The following WASHC5 variants were observed in gnomAD, a reference collection of about 807,000 sequenced individuals.
WASHC5 encodes WASH complex subunit strumpellin.
WASHC5 carries 101 observed loss-of-function variants against 150.4 expected under a neutral mutation model. The observed-to-expected ratio is 0.67, with a 90% CI of 0.57 to 0.79. WASHC5 has a LOEUF of 0.79. Among genes scored for constraint, WASHC5 ranks in the 30% least tolerant of loss-of-function variants. The pLI is 0.00. For synonymous variants in WASHC5, 467 were observed against 491.2 expected (o/e 0.95, Z 0.65); for missense variants, 1,195 against 1,396.3 (o/e 0.86, Z 2.30).
At chr8:125,031,480 T>C (rs952819333) in intron 27 of WASHC5, among the ~76,000 whole-genome samples, 1 of 152,124 alleles carries the variant, frequency 6.6e-6, no homozygotes, top group African/African-American at 2.4e-5. Context: ...GGTTTCACCA[T>C]GTTGGCCAGG....
At chr8:125,073,370 T>C in intron 8 of WASHC5, 46 bp from the exon 9 acceptor site, 1 of 1,489,306 alleles carries the variant, frequency 6.7e-7, no homozygotes, top group Non-Finnish European at 9.4e-7. Flanking sequence ...GTCATTTATC[T>C]TGAAAATAAA....
At chr8:125,048,972 A>C in intron 19 of WASHC5, 34 bp downstream of exon 19, 1 of 1,540,808 alleles carries the variant, frequency 6.5e-7, no homozygotes, top group South Asian at 1.2e-5. Context: ...AGAAATAACA[A>C]ATATAGTCAA....
chr8:125,061,504 C>T (rs1438704829), intron 11 of WASHC5, among the ~76,000 whole-genome samples: 1 of 152,054 alleles, frequency 6.6e-6, no homozygotes, highest in Non-Finnish European at 1.5e-5. Flanking sequence ...CCCTAGTTAC[C>T]AGGGAGAATT....
chr8:125,084,436 T>C (rs1321160893), intron 1 of WASHC5, among the ~76,000 whole-genome samples: 1 of 152,190 alleles, frequency 6.6e-6, no homozygotes, highest in Non-Finnish European at 1.5e-5. Context: ...ATTTGTCCAA[T>C]TATTTCCCAG....
rs772125838 is a variant in WASHC5, at chr8:125,059,482, G to T, written c.1582C>A (p.Arg528=). ...LQVCQFLADT[R]KFLHQMIRTI... ...CTGATCATTTGATGAAGAAACTTTC[G>T]AGTATCGGCAAGAAACTGACATACT... Residue 528 remains arginine (R), a synonymous_variant, in exon 13 of 29, where the codon CGA becomes AGA. Transcript: ENST00000318410. 1.2e-6 allele frequency: 2 copies of T among 1,613,726 alleles called. No homozygotes were observed. The highest frequency in any genetic ancestry group is 1.7e-6 in the Non-Finnish European group (2 of 1,179,878).
intron 8 of WASHC5, among the ~76,000 whole-genome samples, chr8:125,073,610 A>G (rs935591728): frequency 6.6e-5 from 10 of 152,358 alleles, no homozygotes; most frequent in Non-Finnish European, 1.2e-4. Context: ...TAATTTCTAT[A>G]TAAGATGAAT....
At chr8:125,082,810 T>G (rs577683919) in intron 3 of WASHC5, 1 of 361,672 alleles carries the variant, frequency 2.8e-6, no homozygotes, top group Non-Finnish European at 5.0e-6. Flanking sequence ...ATGATAAAGA[T>G]AAGTTCTTTT....
chr8:125,062,347 A>G (rs1816620487), intron 11 of WASHC5, among the ~76,000 whole-genome samples: 1 of 152,240 alleles, frequency 6.6e-6, no homozygotes, highest in Non-Finnish European at 1.5e-5. Context: ...TAATTAAACT[A>G]TACAGCTGGA....
At chr8:125,089,080 A>T (rs962381596) in intron 1 of WASHC5, among the ~76,000 whole-genome samples, 2 of 152,222 alleles carry the variant, frequency 1.3e-5, no homozygotes, top group Non-Finnish European at 2.9e-5. Context: ...AAGTTCTTTT[A>T]GTTTCCTCTG....
intron 1 of WASHC5, among the ~76,000 whole-genome samples, chr8:125,089,526 C>G (rs1433534937): frequency 6.6e-6 from 1 of 152,194 alleles, no homozygotes; most frequent in Non-Finnish European, 1.5e-5. Context: ...GCTCTAGACT[C>G]ATGAAGAGGA....
intron 1 of WASHC5, among the ~76,000 whole-genome samples, chr8:125,088,964 CAGA>C (rs754736998): frequency 1.1e-4 from 16 of 152,198 alleles, no homozygotes; most frequent in African/African-American, 1.9e-4. Context: ...GGGGCGGAAA[CAGA>C]AGAAGTAGAC....
chr8:125,060,750 C>G (rs72720519), intron 12 of WASHC5, among the ~76,000 whole-genome samples: 2,120 of 152,140 alleles, frequency 0.014, 15 homozygotes, highest in Non-Finnish European at 0.021. Context: ...TTTTTACAAC[C>G]CTAAAAATGG....
chr8:125,061,231 G>T (rs781477417), intron 11 of WASHC5, 37 bp from the exon 12 acceptor site: 32 of 1,103,174 alleles, frequency 2.9e-5, no homozygotes, highest in African/African-American at 4.6e-5. Flanking sequence ...TGAAATCCTC[G>T]AATTCCTGTA....
chr8:125,050,714 C>A (rs1355900885), intron 17 of WASHC5, 49 bp from the exon 18 acceptor site: 2 of 1,408,804 alleles, frequency 1.4e-6, no homozygotes, highest in African/African-American at 1.4e-5. Flanking sequence ...AAATTCAGTC[C>A]TAACGAAATC....
chr8:125,077,719 C>T (rs11996868), intron 6 of WASHC5, among the ~76,000 whole-genome samples: 16,754 of 152,158 alleles, frequency 0.11, 2,158 homozygotes, highest in African/African-American at 0.31. Context: ...AAGTCTTATT[C>T]TTCTCAACAG....
At position 125,048,273 on chromosome 8, in the gene WASHC5, T is replaced by G. The variant is rs115864330; in HGVS notation, c.2379+733A>C. ...AAAATGTCACCCAAATCATGTCAGT[T>G]CCCACATGAAAACTTGCAGAGTGGC... On this transcript the variant is annotated intron_variant, in intron 19 of 28. Transcript: ENST00000318410. Among the ~76,000 whole-genome samples the G allele has an allele frequency of 6.2e-3, 944 of 152,300 alleles. 12 individuals carry two copies. The highest frequency in any genetic ancestry group is 0.022 in the African/African-American group (907 of 41,576).
At chr8:125,051,108 T>C (rs1364210845) in intron 17 of WASHC5, among the ~76,000 whole-genome samples, 1 of 152,202 alleles carries the variant, frequency 6.6e-6, no homozygotes, top group African/African-American at 2.4e-5. Context: ...TATATCCACA[T>C]GAGCAAACTC....
rs773509045 is a variant in WASHC5 at position 125,056,671 on chromosome 8, C to T, written c.2016+6G>A. 5.6e-6 allele frequency: 9 copies of T among 1,613,946 alleles called. No individual in the cohort carries two copies. The highest frequency in any genetic ancestry group is 1.3e-5 in the African/African-American group (1 of 74,924). On this transcript the variant is annotated splice_donor_region_variant and intron_variant, in intron 16 of 28. Transcript: ENST00000318410. ...TGAAAAGGCAGAAGTCAGAGGGACACAGCACCTCGTATCGTGGGCCTAGCT... is the reference window on the plus strand; with the variant it reads ...TGAAAAGGCAGAAGTCAGAGGGACATAGCACCTCGTATCGTGGGCCTAGCT...
intron 6 of WASHC5, among the ~76,000 whole-genome samples, chr8:125,077,790 A>G (rs1817109355): frequency 6.6e-6 from 1 of 152,206 alleles, no homozygotes; most frequent in African/African-American, 2.4e-5. Flanking sequence ...AGAAAATGGT[A>G]TGGGAACAAA....
Sources: gnomAD v4.1 joint callset for allele counts (sites outside exome capture counted in the v4.1 genomes callset) on GRCh38, gnomAD v4.1.1 for gene constraint, MANE v1.5 for transcripts, NCBI Gene and HGNC (gene_info 2026-07-23, HGNC 2026-07-21) for gene names.